The following PDE8B variants were observed in gnomAD, a reference collection of about 807,000 sequenced individuals.
PDE8B encodes phosphodiesterase 8B, also known as high affinity cAMP-specific and IBMX-insensitive 3',5'-cyclic phosphodiesterase 8B.
A neutral mutation model predicts 101.3 loss-of-function variants in PDE8B; 26 were observed. The ratio of observed to expected loss-of-function variants is 0.26; its 90% CI spans 0.19 to 0.36. PDE8B has a LOEUF of 0.36. PDE8B is among the 10% of genes least tolerant of loss of function. The pLI, the probability that PDE8B is intolerant of heterozygous loss-of-function variation, is 1.00. For missense variants in PDE8B, 810 were observed against 1,163.1 expected, an observed-to-expected ratio of 0.70 and a Z score of 4.42; for synonymous variants, 424 against 429.3, an observed-to-expected ratio of 0.99 and a Z score of 0.15.
intron 10 of PDE8B, among the ~76,000 whole-genome samples, chr5:77,394,308 TCA>T (rs1344396722): frequency 1.3e-5 from 2 of 152,308 alleles, no homozygotes; most frequent in Admixed American, 6.5e-5. Flanking sequence ...TCACACAGTT[TCA>T]GAGTCAGTCC....
At chr5:77,315,066 C>T (rs1773512400) in intron 2 of PDE8B, among the ~76,000 whole-genome samples, 2 of 152,000 alleles carry the variant, frequency 1.3e-5, no homozygotes, top group South Asian at 4.1e-4. Context: ...TTTATATATT[C>T]TTGTTATGAC....
At chr5:77,197,004 T>G in the PDE8B span, among the ~76,000 whole-genome samples, 1 of 150,686 alleles carries the variant, frequency 6.6e-6, no homozygotes, top group Non-Finnish European at 1.5e-5. Flanking sequence ...TTATTATTCC[T>G]ATTAATAGTT....
chr5:77,413,430 A>T, intron 17 of PDE8B, 121 bp downstream of exon 17: 1 of 832,574 alleles, frequency 1.2e-6, no homozygotes, highest in South Asian at 1.6e-5. Context: ...TTTTAAAAAA[A>T]AATTTTGTTA....
intron 1 of PDE8B, among the ~76,000 whole-genome samples, chr5:77,245,908 G>A (rs1372316434): frequency 7.5e-6 from 1 of 132,506 alleles, no homozygotes; most frequent in Non-Finnish European, 1.5e-5. Flanking sequence ...CTGGAGTGCA[G>A]TAGCACAGTC....
chr5:77,269,268 T>C (rs1473033805), intron 1 of PDE8B, among the ~76,000 whole-genome samples: 3 of 152,198 alleles, frequency 2.0e-5, no homozygotes, highest in Admixed American at 6.5e-5. Flanking sequence ...TTGCCATTTG[T>C]ATTTCTTTTT....
chr5:77,357,424 C>T (rs192275535), intron 10 of PDE8B, among the ~76,000 whole-genome samples: 1 of 152,328 alleles, frequency 6.6e-6, no homozygotes, highest in East Asian at 1.9e-4. Flanking sequence ...ATTAAAATGA[C>T]CTCCTGCCCT....
chr5:77,418,507 C>T, intron 18 of PDE8B, 61 bp downstream of exon 18: 1 of 1,139,990 alleles, frequency 8.8e-7, no homozygotes, highest in Non-Finnish European at 1.3e-6. Flanking sequence ...TTCCCAAATA[C>T]TTAGCTTCCT....
chr5:77,268,770 A>G (rs1452497165), intron 1 of PDE8B, among the ~76,000 whole-genome samples: 1 of 151,486 alleles, frequency 6.6e-6, no homozygotes, highest in African/African-American at 2.4e-5. Flanking sequence ...AGATGATTGG[A>G]TAAAGAAAAT....
At chr5:77,199,138 G>C in the PDE8B span, among the ~76,000 whole-genome samples, 1 of 152,118 alleles carries the variant, frequency 6.6e-6, no homozygotes, top group Non-Finnish European at 1.5e-5. Flanking sequence ...TTTCTTAAAA[G>C]TGAGAATTAC....
At chr5:77,216,645 G>T (rs1421268899) in intron 1 of PDE8B, among the ~76,000 whole-genome samples, 3 of 152,166 alleles carry the variant, frequency 2.0e-5, no homozygotes, top group African/African-American at 7.2e-5. Flanking sequence ...AGAAACCAGG[G>T]TAGTTATGGG....
intron 1 of PDE8B, among the ~76,000 whole-genome samples, chr5:77,215,245 C>A (rs1336039514): frequency 6.6e-6 from 1 of 152,310 alleles, no homozygotes; most frequent in South Asian, 2.1e-4. Context: ...AAGTCTAAAG[C>A]AAGGCTGGAT....
intron 1 of PDE8B, among the ~76,000 whole-genome samples, chr5:77,299,501 C>T (rs1422301949): frequency 2.0e-5 from 3 of 148,286 alleles, no homozygotes; most frequent in Non-Finnish European, 4.4e-5. Flanking sequence ...CAGTTCCCAC[C>T]TATGAGTGAG....
chr5:77,412,553 A>AT (rs34014902), intron 16 of PDE8B, among the ~76,000 whole-genome samples: 35,550 of 147,616 alleles, frequency 0.24, 4,437 homozygotes, highest in Non-Finnish European at 0.31. Flanking sequence ...AGCACTATAG[A>AT]TTTTTTTTTT....
chr5:77,349,277 C>A, intron 7 of PDE8B, 142 bp from the exon 8 acceptor site: 1 of 1,074,252 alleles, frequency 9.3e-7, no homozygotes, highest in Non-Finnish European at 1.4e-6. Flanking sequence ...GGCCAGCTAA[C>A]TGCATTAGAG....
chr5:77,291,667 C>T, intron 1 of PDE8B: 2 of 1,596,018 alleles, frequency 1.3e-6, no homozygotes, highest in Non-Finnish European at 1.7e-6. Flanking sequence ...ATTGGAGGTG[C>T]CTTTGGAGGA....
the PDE8B span, among the ~76,000 whole-genome samples, chr5:77,162,608 T>C: frequency 2.7e-3 from 415 of 152,316 alleles, no homozygotes; most frequent in Non-Finnish European, 4.4e-3. Flanking sequence ...CCTGCACATA[T>C]ACAACCAGTT....
the PDE8B span, among the ~76,000 whole-genome samples, chr5:77,102,900 G>C: frequency 6.6e-6 from 1 of 152,186 alleles, no homozygotes; most frequent in Non-Finnish European, 1.5e-5. Flanking sequence ...TCTCACCTGC[G>C]TGGCCAAGAT....
chr5:77,170,205 G>T, the PDE8B span, among the ~76,000 whole-genome samples: 5 of 152,166 alleles, frequency 3.3e-5, no homozygotes, highest in African/African-American at 4.8e-5. Context: ...AGGAAGCATA[G>T]GTTAGGTTTT....
chr5:77,334,508 CTG>C (rs1777741402), intron 5 of PDE8B, among the ~76,000 whole-genome samples: 1 of 152,140 alleles, frequency 6.6e-6, no homozygotes, highest in African/African-American at 2.4e-5. Flanking sequence ...AGTTCTGCCT[CTG>C]TGCAATGTGC....
Sources: allele counts gnomAD v4.1 joint callset (sites outside exome capture counted in the v4.1 genomes callset), GRCh38; gene constraint gnomAD v4.1.1; transcripts MANE v1.5; gene names NCBI Gene and HGNC (gene_info 2026-07-23, HGNC 2026-07-21).